The following RXFP3 variants were observed in gnomAD, a reference collection of about 807,000 sequenced individuals.
RXFP3 encodes relaxin-3 receptor 1.
Under a neutral mutation model 27.3 loss-of-function variants are expected in RXFP3, and 31 were observed. The observed-to-expected ratio is 1.13, with a 90% CI of 0.85 to 1.53. The LOEUF (loss-of-function observed/expected upper bound fraction) is 1.53, where lower values mean the gene tolerates loss of function less well. Ranked by LOEUF, RXFP3 falls within the 40% of genes most tolerant of loss-of-function variation. RXFP3 has a pLI of 0.00. For synonymous variants in RXFP3, 351 were observed against 293.6 expected (o/e 1.20, Z -2.00); for missense variants, 684 against 642.1 (o/e 1.07, Z -0.70).
Position 33,937,669 on chromosome 5 carries a change from G to A in RXFP3, c.929G>A (p.Gly310Glu), listed in dbSNP as rs1475635374. The A allele has an allele frequency of 6.2e-7, 1 of 1,609,010 alleles. No individual in the cohort carries two copies. Among genetic ancestry groups the A allele is most frequent in the African/African-American group, 1.3e-5 (1 of 74,796 alleles). ...AGTKGGAAVA[G>E]GRPTGASARR... ...ACCAAAGGAGGGGCCGCGGTAGCCG[G>A]AGGACGCCCGACCGGAGCCAGCGCC... The change falls in exon 1 of 1, where the codon GGA (glycine) becomes GAA (glutamate). Residue 310 changes from glycine (G) to glutamate (E), a missense_variant. Physicochemically the swap from Gly to Glu is moderately conservative, Grantham distance 98 (BLOSUM62 -2). Transcript: ENST00000330120.
chr5:33,938,469 C>T lies in RXFP3; in HGVS notation c.*319C>T, dbSNP rs983674424. 6.6e-6 allele frequency among the ~76,000 whole-genome samples: 1 copy of T among 152,194 alleles called. No individual in the cohort carries two copies. The highest frequency in any genetic ancestry group is 1.5e-5 in the Non-Finnish European group (1 of 68,030). On this transcript the variant is annotated 3_prime_UTR_variant, in exon 1 of 1. Transcript: ENST00000330120. ...TGAGTAGTGTGGGGGCGCCCAGAAGCGAAGACAAGCAGCAAAAATGTAGAG... is the reference window on the plus strand; with the variant it reads ...TGAGTAGTGTGGGGGCGCCCAGAAGTGAAGACAAGCAGCAAAAATGTAGAG...
In RXFP3 at chr5:33,936,922, C is replaced by A. The variant is rs1201205213; in HGVS notation, c.182C>A (p.Pro61Gln). 1 of 1,600,436 alleles carries A rather than the reference C, an allele frequency of 6.2e-7. No homozygotes were observed. The highest frequency in any genetic ancestry group is 8.5e-7 in the Non-Finnish European group (1 of 1,169,832). The part of the protein sequence containing the change: ...ELGLELPDGA[P>Q]PGHPPGSGGA... Reference sequence around the variant, plus strand: ...GGGCTGGAGTTGCCGGACGGCGCGCCGCCAGGACATCCCCCGGGCAGCGGC... The same window carrying A: ...GGGCTGGAGTTGCCGGACGGCGCGCAGCCAGGACATCCCCCGGGCAGCGGC... Residue 61 changes from proline (P) to glutamine (Q), a missense_variant, in exon 1 of 1, where the codon CCG becomes CAG. Coordinates refer to ENST00000330120, the MANE Select transcript of RXFP3 (RefSeq NM_016568.3).
chr5:33,937,874 G>T lies in RXFP3; in HGVS notation c.1134G>T (p.Ala378=), dbSNP rs757811167. 4.3e-6 allele frequency: 7 copies of T among 1,614,050 alleles called. No individual in the cohort carries two copies. Among genetic ancestry groups the T allele is most frequent in the East Asian group, 4.5e-5 (2 of 44,880 alleles). Residue 378 remains alanine (A), a synonymous_variant, in exon 1 of 1, where the codon GCG becomes GCT. Coordinates refer to ENST00000330120, the MANE Select transcript of RXFP3 (RefSeq NM_016568.3). ...VYAFPVSVCL[A]HSNSCLNPVL... is the part of the protein sequence containing the mutation. Reference sequence around the variant, plus strand: ...CGTTCCCTGTGAGCGTGTGCCTAGCGCACTCCAACAGCTGCCTCAACCCCG... The same window carrying T: ...CGTTCCCTGTGAGCGTGTGCCTAGCTCACTCCAACAGCTGCCTCAACCCCG...
In RXFP3 at chr5:33,937,659, G is replaced by A; in HGVS notation, c.919G>A (p.Ala307Thr). Residue 307 changes from alanine (A) to threonine (T), a missense_variant, in exon 1 of 1, where the codon GCG becomes ACG. By Grantham distance (58) the Ala-to-Thr change is moderately conservative. Transcript: ENST00000330120. Reference protein sequence around the residue: ...RRAAGTKGGAAVAGGRPTGAS... With the variant: ...RRAAGTKGGATVAGGRPTGAS... ...CGCGGCGGGGACCAAAGGAGGGGCC[G>A]CGGTAGCCGGAGGACGCCCGACCGG... The A allele has an allele frequency of 6.2e-7, 1 of 1,606,284 alleles. No individual in the cohort carries two copies. Among genetic ancestry groups the A allele is most frequent in the Non-Finnish European group, 8.5e-7 (1 of 1,176,670 alleles).
At position 33,937,793 on chromosome 5, in the gene RXFP3, C is replaced by T. The variant is rs1251460753; in HGVS notation, c.1053C>T (p.Leu351=). The change falls in exon 1 of 1, where the codon CTC becomes CTT. Residue 351 remains leucine, a synonymous_variant. Transcript: ENST00000330120. The stretch of plus-strand genomic sequence containing the variant: ...AGGCGCTCACCACCTGGAGCATCCT[C>T]ATCAAGTTCAACGCGGTGCCCTTCA... ...PNQALTTWSI[L]IKFNAVPFSQ... The T allele has an allele frequency of 1.2e-6, 2 of 1,614,150 alleles. No individual in the cohort carries two copies. Among genetic ancestry groups the T allele is most frequent in the African/African-American group, 2.7e-5 (2 of 75,060 alleles).
rs768204709 is a variant in RXFP3 at position 33,937,307 on chromosome 5, G to A, written c.567G>A (p.Lys189=). Residue 189 remains lysine, a synonymous_variant, in exon 1 of 1, where the codon AAG becomes AAA. Transcript: ENST00000330120. ...ACCATTCGGTGGCCTCGGCTCTGAA[G>A]AGCCACCGGACCCGAGGACACGGCC... is the stretch of plus-strand genomic sequence containing the variant. ...TRYHSVASAL[K]SHRTRGHGRG... 6.2e-7 allele frequency: 1 copy of A among 1,613,060 alleles called. No individual in the cohort carries two copies.
In RXFP3 at chr5:33,936,841, C is replaced by A; in HGVS notation, c.101C>A (p.Ala34Glu). The A allele has an allele frequency of 6.3e-7, 1 of 1,592,208 alleles. No individual in the cohort carries two copies. The highest frequency in any genetic ancestry group is 8.6e-7 in the Non-Finnish European group (1 of 1,165,144). The change falls in exon 1 of 1, where the codon GCG becomes GAG. Residue 34 changes from alanine (A) to glutamate (E), a missense_variant. Ala to Glu is a moderately radical substitution (Grantham distance 107). Coordinates refer to ENST00000330120, the MANE Select transcript of RXFP3 (RefSeq NM_016568.3). ...LFSLVPDLLE[A>E]ANTSGNASLQ... ...AGTCTGGTCCCGGACCTTCTGGAGG[C>A]GGCCAACACGAGTGGTAACGCGTCG...
At position 33,937,562 on chromosome 5, in the gene RXFP3, G is replaced by A; in HGVS notation, c.822G>A (p.Leu274=). The A allele has an allele frequency of 6.4e-7, 1 of 1,570,888 alleles. No homozygotes were observed. Among genetic ancestry groups the A allele is most frequent in the Non-Finnish European group, 8.6e-7 (1 of 1,158,260 alleles). The change falls in exon 1 of 1, where the codon CTG becomes CTA. Residue 274 remains leucine (L), a synonymous_variant. Transcript: ENST00000330120. ...TCTACCACTCGCAGAAGGTGCTGCT[G>A]GGCTTCGTGCTGCCGCTGGGCATCA... ...LGLYHSQKVL[L]GFVLPLGIII... is the part of the protein sequence containing the mutation.
In RXFP3 at chr5:33,938,093, C is replaced by T. The variant is rs1751716936; in HGVS notation, c.1353C>T (p.Gly451=). 2.5e-6 allele frequency: 4 copies of T among 1,610,334 alleles called. No individual in the cohort carries two copies. Among genetic ancestry groups the T allele is most frequent in the African/African-American group, 1.3e-5 (1 of 74,976 alleles). The change falls in exon 1 of 1, where the codon GGC becomes GGT. Residue 451 remains glycine (G), a synonymous_variant. Transcript: ENST00000330120. ...AEPDLLYYPP[G]VVVYSGGRYD... is the part of the protein sequence containing the mutation. ...CGGACCTGCTCTACTACCCACCTGG[C>T]GTCGTGGTCTACAGCGGGGGGCGCT...
rs1307795993 is a variant in RXFP3, at chr5:33,937,036, A to G, written c.296A>G (p.Asn99Ser). ...WVVCALGLAG[N>S]LLVLYLMKSM... Reference sequence around the variant, plus strand: ...GTGTGCGCCCTGGGGTTGGCGGGCAACCTGCTGGTTCTCTACCTGATGAAG... The same window carrying G: ...GTGTGCGCCCTGGGGTTGGCGGGCAGCCTGCTGGTTCTCTACCTGATGAAG... The change falls in exon 1 of 1, where the codon AAC becomes AGC. Residue 99 changes from asparagine to serine, a missense_variant. Physicochemically the swap from Asn to Ser is conservative, Grantham distance 46 (BLOSUM62 1). Transcript: ENST00000330120. 2 of 1,614,052 alleles carry G rather than the reference A, an allele frequency of 1.2e-6. No homozygotes were observed. Among genetic ancestry groups the G allele is most frequent in the African/African-American group, 2.7e-5 (2 of 74,942 alleles).
chr5:33,938,155 G>T lies in RXFP3; in HGVS notation c.*5G>T, dbSNP rs1223692659. ...CCCAGCAGCTCTGCCTACTGACGCAGGCCTCAGGCCCAGGGCGCGCCGTCG... is the reference window on the plus strand; with the variant it reads ...CCCAGCAGCTCTGCCTACTGACGCATGCCTCAGGCCCAGGGCGCGCCGTCG... On this transcript the variant is annotated 3_prime_UTR_variant, in exon 1 of 1. Transcript: ENST00000330120. 1.3e-6 allele frequency: 2 copies of T among 1,581,144 alleles called. No individual in the cohort carries two copies. The highest frequency in any genetic ancestry group is 4.5e-5 in the East Asian group (2 of 44,528).
rs866075810 is a variant in RXFP3, at chr5:33,938,742, C to G, written c.*592C>G. Among the ~76,000 whole-genome samples the G allele has an allele frequency of 1.3e-5, 2 of 152,186 alleles. No homozygotes were observed. The highest frequency in any genetic ancestry group is 4.8e-5 in the African/African-American group (2 of 41,450). ...CATCCTGGTCCGCCCACAGGAGAAA[C>G]GGCAAAGGAAAGCCACCTCCAATGG... On this transcript the variant is annotated 3_prime_UTR_variant, in exon 1 of 1. Coordinates refer to ENST00000330120, the MANE Select transcript of RXFP3 (RefSeq NM_016568.3).
chr5:33,937,388 G>T lies in RXFP3; in HGVS notation c.648G>T (p.Ala216=), dbSNP rs147626527. The T allele has an allele frequency of 1.6e-5, 26 of 1,613,180 alleles. No individual in the cohort carries two copies. The African/African-American group carries it at 3.1e-4, about 19-fold the overall frequency. ...LGDSCCFSAK[A]LCVWIWALAA... The stretch of plus-strand genomic sequence containing the variant: ...ACAGCTGCTGCTTCTCGGCCAAGGC[G>T]CTGTGTGTGTGGATCTGGGCTTTGG... The change falls in exon 1 of 1, where the codon GCG becomes GCT. Residue 216 remains alanine, a synonymous_variant. Transcript: ENST00000330120.
Position 33,937,650 on chromosome 5 carries a change from G to A in RXFP3, c.910G>A (p.Gly304Arg), listed in dbSNP as rs573364293. ...IADRRAAGTK[G>R]GAAVAGGRPT... ...CGACCGCCGCGCGGCGGGGACCAAA[G>A]GAGGGGCCGCGGTAGCCGGAGGACG... The change falls in exon 1 of 1, where the codon GGA becomes AGA. Residue 304 changes from glycine (G) to arginine (R), a missense_variant. Gly to Arg is a moderately radical substitution (Grantham distance 125). Transcript: ENST00000330120. The A allele has an allele frequency of 7.5e-6, 12 of 1,604,110 alleles. No individual in the cohort carries two copies. The highest frequency in any genetic ancestry group is 4.5e-5 in the East Asian group (2 of 44,400).
rs770848896 is a variant in RXFP3, at chr5:33,937,166, C to T, written c.426C>T (p.Asn142=). Residue 142 remains asparagine (N), a synonymous_variant, in exon 1 of 1, where the codon AAC becomes AAT. Coordinates refer to ENST00000330120, the MANE Select transcript of RXFP3 (RefSeq NM_016568.3). ...VLTLPFWAVE[N]ALDFKWPFGK... ...CCCTGCCCTTCTGGGCGGTGGAGAA[C>T]GCTCTTGACTTCAAATGGCCCTTCG... 6.3e-5 allele frequency: 102 copies of T among 1,613,512 alleles called. No individual in the cohort carries two copies. The highest frequency in any genetic ancestry group is 4.6e-5 in the Non-Finnish European group (54 of 1,179,546).
chr5:33,938,037 G>A lies in RXFP3; in HGVS notation c.1297G>A (p.Ala433Thr), dbSNP rs755392460. Residue 433 changes from alanine (A) to threonine (T), a missense_variant, in exon 1 of 1, where the codon GCC becomes ACC. Ala to Thr is a moderately conservative substitution (Grantham distance 58). Coordinates refer to ENST00000330120, the MANE Select transcript of RXFP3 (RefSeq NM_016568.3). ...GGAGCACGAGGATCAGGGGCTGCAG[G>A]CCCCGGCGCCGCCCCACGCGGCCGC... ...KPEHEDQGLQ[A>T]PAPPHAAAEP... The A allele has an allele frequency of 1.9e-6, 3 of 1,611,886 alleles. No homozygotes were observed. The African/African-American group carries it at 4.0e-5, about 22-fold the overall frequency.
In RXFP3 at chr5:33,937,295, C is replaced by T; in HGVS notation, c.555C>T (p.Ala185=). The part of the protein sequence containing the change: ...AMSVTRYHSV[A]SALKSHRTRG... ...GTGTGACGCGCTACCATTCGGTGGC[C>T]TCGGCTCTGAAGAGCCACCGGACCC... The change falls in exon 1 of 1, where the codon GCC becomes GCT. Residue 185 remains alanine, a synonymous_variant. Transcript: ENST00000330120. 1.2e-6 allele frequency: 2 copies of T among 1,613,256 alleles called. No homozygotes were observed. The highest frequency in any genetic ancestry group is 1.1e-5 in the South Asian group (1 of 91,070).
Position 33,937,686 on chromosome 5 carries a change from G to T in RXFP3, c.946G>T (p.Ala316Ser). 7 of 1,612,024 alleles carry T rather than the reference G, an allele frequency of 4.3e-6. No individual in the cohort carries two copies. The highest frequency in any genetic ancestry group is 5.9e-6 in the Non-Finnish European group (7 of 1,179,358). ...AAVAGGRPTG[A>S]SARRLSKVTK... ...GGTAGCCGGAGGACGCCCGACCGGA[G>T]CCAGCGCCCGGAGACTGTCGAAGGT... Residue 316 changes from alanine (A) to serine (S), a missense_variant, in exon 1 of 1, where the codon GCC becomes TCC. Ala to Ser is a moderately conservative substitution (Grantham distance 99). Coordinates refer to ENST00000330120, the MANE Select transcript of RXFP3 (RefSeq NM_016568.3).
At position 33,937,897 on chromosome 5, in the gene RXFP3, C is replaced by T; in HGVS notation, c.1157C>T (p.Pro386Leu). The T allele has an allele frequency of 6.2e-7, 1 of 1,613,990 alleles. No homozygotes were observed. Among genetic ancestry groups the T allele is most frequent in the Admixed American group, 1.7e-5 (1 of 60,036 alleles). The change falls in exon 1 of 1, where the codon CCC becomes CTC. Residue 386 changes from proline to leucine, a missense_variant. Physicochemically the swap from Pro to Leu is moderately conservative, Grantham distance 98. Coordinates refer to ENST00000330120, the MANE Select transcript of RXFP3 (RefSeq NM_016568.3). Reference sequence around the variant, plus strand: ...GCGCACTCCAACAGCTGCCTCAACCCCGTCCTCTACTGCCTCGTGCGCCGC... The same window carrying T: ...GCGCACTCCAACAGCTGCCTCAACCTCGTCCTCTACTGCCTCGTGCGCCGC... ...CLAHSNSCLNPVLYCLVRREF... is the reference protein window; with the variant it reads ...CLAHSNSCLNLVLYCLVRREF...
Sources: gnomAD v4.1 joint callset for allele counts (sites outside exome capture counted in the v4.1 genomes callset) on GRCh38, gnomAD v4.1.1 for gene constraint, MANE v1.5 for transcripts, NCBI Gene and HGNC (gene_info 2026-07-23, HGNC 2026-07-21) for gene names.